The following SYK variants were observed in gnomAD, a reference collection of about 807,000 sequenced individuals.
The protein encoded by SYK is spleen associated tyrosine kinase, also known as tyrosine-protein kinase SYK.
Under a neutral mutation model 77.8 loss-of-function variants are expected in SYK, and 16 were observed. The ratio of observed to expected loss-of-function variants is 0.21; its 90% CI spans 0.14 to 0.31. The LOEUF is 0.31. Among genes scored for constraint, SYK ranks in the 10% least tolerant of loss-of-function variants. SYK has a pLI of 1.00. For synonymous variants in SYK, 312 were observed against 308.7 expected, an observed-to-expected ratio of 1.01 and a Z score of -0.11; for missense variants, 529 against 814.4, an observed-to-expected ratio of 0.65 and a Z score of 4.26.
chr9:90,843,705 A>G (rs543715909), intron 1 of SYK, among the ~76,000 whole-genome samples, 153 bp from the exon 2 acceptor site: 19 of 152,340 alleles, frequency 1.2e-4, no homozygotes, highest in African/African-American at 3.8e-4. Flanking sequence ...GTGAACAGAA[A>G]GACAACTGTG....
intron 1 of SYK, among the ~76,000 whole-genome samples, chr9:90,810,639 C>T (rs1163541996): frequency 6.6e-6 from 1 of 152,176 alleles, no homozygotes; most frequent in Non-Finnish European, 1.5e-5. Flanking sequence ...CTGAAATGAG[C>T]CTGCTGTACA....
rs80244810 is a variant in SYK at position 90,884,153 on chromosome 9, G to GTA, written c.1582-3589_1582-3588dup. ...GCCCTACATATATATATGTGTGTGT[G>GTA]TATATATACACACATACACATACGT... On this transcript the variant is annotated intron_variant, in intron 11 of 13. Coordinates refer to ENST00000375754, the MANE Select transcript of SYK (RefSeq NM_003177.7). Among the ~76,000 whole-genome samples the GTA allele has an allele frequency of 7.9e-5, 8 of 100,772 alleles. 1 individual carries two copies. Among genetic ancestry groups the GTA allele is most frequent in the Admixed American group, 5.5e-4 (6 of 10,864 alleles). 66.1% of individuals were successfully genotyped at this position (100,772 alleles called of 152,430 possible). A position where few individuals can be genotyped will look rare whatever the true frequency, so the allele number is the denominator to read the frequency against.
intron 9 of SYK, 122 bp from the exon 10 acceptor site, chr9:90,877,449 C>G (rs1284291142): frequency 3.6e-6 from 4 of 1,096,414 alleles, no homozygotes; most frequent in Non-Finnish European, 5.3e-6. Flanking sequence ...AGACACATTG[C>G]CACTCTGTGG....
chr9:90,862,108 G>T, intron 3 of SYK, 98 bp from the exon 4 acceptor site: 1 of 1,395,140 alleles, frequency 7.2e-7, no homozygotes. Context: ...AGGCCCCAGA[G>T]AGCGGCTGCT....
Position 90,884,394 on chromosome 9 carries a change from C to CAT in SYK, c.1582-3353_1582-3352dup, listed in dbSNP as rs142112478. On this transcript the variant is annotated intron_variant, in intron 11 of 13. Transcript: ENST00000375754. ...ACACACATACGTGTATATATGCATACATACACATATGTGTATATATACATA... is the reference window on the plus strand; with the variant it reads ...ACACACATACGTGTATATATGCATACATATACACATATGTGTATATATACATA... Among the ~76,000 whole-genome samples, 112 of 37,098 alleles carry CAT rather than the reference C, an allele frequency of 3.0e-3. 12 individuals carry two copies. The highest frequency in any genetic ancestry group is 0.011 in the African/African-American group (62 of 5,844). 24.3% of individuals were successfully genotyped at this position (37,098 alleles called of 152,430 possible).
At chr9:90,884,514 TACAC>T (rs1367785303) in intron 11 of SYK, among the ~76,000 whole-genome samples, 1 of 108,908 alleles carries the variant, frequency 9.2e-6, no homozygotes, top group East Asian at 3.4e-4. Context: ...TGTACATACA[TACAC>T]ATACACATAT....
intron 11 of SYK, among the ~76,000 whole-genome samples, chr9:90,887,405 C>CTTTTTTTTTTTTTTTT (rs3056951): frequency 1.6e-5 from 2 of 128,934 alleles, no homozygotes; most frequent in Non-Finnish European, 1.6e-5. Flanking sequence ...TTCTTTCTTT[C>CTTTTTTTTTTTTTTTT]TTTTTTTTTT....
intron 3 of SYK, among the ~76,000 whole-genome samples, chr9:90,847,468 C>T (rs1246320082): frequency 2.0e-5 from 3 of 152,200 alleles, no homozygotes; most frequent in African/African-American, 7.2e-5. Flanking sequence ...CAGTTATCAC[C>T]CCATAATTGC....
At position 90,894,498 on chromosome 9, in the gene SYK, C is replaced by A. The variant is rs1206820899; in HGVS notation, c.1836-1030C>A. ...TACCCATTTTGATTTGTAGAAGCCA[C>A]TCTGCTCTTATAATGATGAGTGAGT... On this transcript the variant is annotated intron_variant, in intron 13 of 13. Transcript: ENST00000375754. 2.6e-5 allele frequency among the ~76,000 whole-genome samples: 4 copies of A among 152,322 alleles called. 1 individual carries two copies. The South Asian group carries it at 6.2e-4, about 24-fold the overall frequency.
intron 1 of SYK, among the ~76,000 whole-genome samples, chr9:90,839,242 C>CA (rs1352076441): frequency 6.6e-6 from 1 of 152,124 alleles, no homozygotes; most frequent in Non-Finnish European, 1.5e-5. Flanking sequence ...TTAAGTAGCC[C>CA]AAAAATGTGC....
chr9:90,822,959 C>T (rs186609746), intron 1 of SYK, among the ~76,000 whole-genome samples: 13 of 152,146 alleles, frequency 8.5e-5, no homozygotes, highest in Admixed American at 3.3e-4. Flanking sequence ...CTCCTCATGG[C>T]CCTGGCATGG....
At chr9:90,842,603 A>G (rs1168921642) in intron 1 of SYK, among the ~76,000 whole-genome samples, 2 of 144,496 alleles carry the variant, frequency 1.4e-5, no homozygotes, top group Non-Finnish European at 3.0e-5. Context: ...TGATGTGTGT[A>G]GTGTGTTTCG....
intron 1 of SYK, among the ~76,000 whole-genome samples, chr9:90,827,879 A>T (rs73503984): frequency 1.3e-5 from 2 of 152,252 alleles, no homozygotes; most frequent in African/African-American, 4.8e-5. Context: ...ATGAAAGACA[A>T]TTATAAAATC....
At chr9:90,808,499 T>A (rs992830743) in intron 1 of SYK, among the ~76,000 whole-genome samples, 2 of 151,832 alleles carry the variant, frequency 1.3e-5, no homozygotes, top group Non-Finnish European at 2.9e-5. Context: ...CATTAGTCTT[T>A]TAAGGCTGCA....
In SYK at chr9:90,812,496, G is replaced by A. The variant is rs1825118838; in HGVS notation, c.-42+10603G>A. Among the ~76,000 whole-genome samples the A allele has an allele frequency of 3.3e-5, 5 of 152,174 alleles. 1 individual carries two copies. The highest frequency in any genetic ancestry group is 3.3e-4 in the Admixed American group (5 of 15,276). On this transcript the variant is annotated intron_variant, in intron 1 of 13. Coordinates refer to ENST00000375754, the MANE Select transcript of SYK (RefSeq NM_003177.7). ...CAAGGACACTGGGGTGCTCTGGGGT[G>A]CAGCCTGCCTTCAGATGTTTCTTAA...
At chr9:90,816,769 A>G (rs765438164) in intron 1 of SYK, among the ~76,000 whole-genome samples, 1 of 152,222 alleles carries the variant, frequency 6.6e-6, no homozygotes, top group Non-Finnish European at 1.5e-5. Flanking sequence ...TTTAGATTCC[A>G]CATATGAGTG....
intron 1 of SYK, among the ~76,000 whole-genome samples, chr9:90,839,203 A>C (rs1365405321): frequency 6.6e-6 from 1 of 152,188 alleles, no homozygotes; most frequent in Non-Finnish European, 1.5e-5. Context: ...TATGCACAGG[A>C]ACACCATGGA....
At chr9:90,869,016 A>G (rs1182506892) in intron 7 of SYK, among the ~76,000 whole-genome samples, 1 of 152,224 alleles carries the variant, frequency 6.6e-6, no homozygotes, top group Non-Finnish European at 1.5e-5. Context: ...AATGTCCTGC[A>G]ACACACACAT....
intron 3 of SYK, among the ~76,000 whole-genome samples, chr9:90,851,322 A>G (rs1165272535): frequency 6.6e-6 from 1 of 152,206 alleles, no homozygotes; most frequent in Non-Finnish European, 1.5e-5. Flanking sequence ...TGTCCTGTCC[A>G]CAGAGCTTAC....
Sources: allele counts gnomAD v4.1 joint callset (sites outside exome capture counted in the v4.1 genomes callset), GRCh38; gene constraint gnomAD v4.1.1; transcripts MANE v1.5; gene names NCBI Gene and HGNC (gene_info 2026-07-23, HGNC 2026-07-21).